Variants in TEX36 observed in about 807,000 individuals in gnomAD.
TEX36 encodes the protein testis-expressed protein 36.
A neutral mutation model predicts 13.6 loss-of-function variants in TEX36; 12 were observed. The ratio of observed to expected loss-of-function variants is 0.88; its 90% CI spans 0.56 to 1.43. The LOEUF (loss-of-function observed/expected upper bound fraction) is 1.43, where lower values mean the gene tolerates loss of function less well. Ranked by LOEUF, TEX36 falls within the 40% of genes most tolerant of loss-of-function variation. The pLI, the probability that TEX36 is intolerant of heterozygous loss-of-function variation, is 0.00. For missense variants in TEX36, 224 were observed against 228.3 expected (o/e 0.98, Z 0.12); for synonymous variants, 93 against 83.0 (o/e 1.12, Z -0.65).
chr10:125,643,974 C>A (rs1396811591), intron 3 of TEX36, among the ~76,000 whole-genome samples: 1 of 151,984 alleles, frequency 6.6e-6, no homozygotes, highest in Non-Finnish European at 1.5e-5. Flanking sequence ...GAGCATAAAA[C>A]CAAGTCACAA....
chr10:125,674,913 G>C (rs1847288925), intron 1 of TEX36, among the ~76,000 whole-genome samples: 1 of 152,268 alleles, frequency 6.6e-6, no homozygotes, highest in Non-Finnish European at 1.5e-5. Flanking sequence ...CCAGGGCCCT[G>C]CTTAACGAAG....
intron 1 of TEX36, among the ~76,000 whole-genome samples, chr10:125,664,518 G>A (rs1847094589): frequency 6.6e-6 from 1 of 152,170 alleles, no homozygotes. Context: ...GCGCCTGGTG[G>A]GAGGTGATTG....
chr10:125,653,626 T>TA (rs1452968702), downstream of TEX36, among the ~76,000 whole-genome samples: 5 of 151,914 alleles, frequency 3.3e-5, no homozygotes, highest in Non-Finnish European at 7.4e-5. Context: ...CCCTAGAACT[T>TA]AAAGTATAAT....
intron 3 of TEX36, among the ~76,000 whole-genome samples, chr10:125,627,469 T>C (rs297240): frequency 0.22 from 33,355 of 152,112 alleles, 5,773 homozygotes; most frequent in African/African-American, 0.48. Context: ...CTTAAAGTCA[T>C]TCAGAAAAAA....
intron 1 of TEX36, among the ~76,000 whole-genome samples, chr10:125,681,176 G>A (rs116004835): frequency 0.017 from 2,591 of 152,298 alleles, 80 homozygotes; most frequent in African/African-American, 0.059. Context: ...TGGATTCACT[G>A]TTTGGAGCTG....
At position 125,645,802 on chromosome 10, in the gene TEX36, C is replaced by T. The variant is rs143430631; in HGVS notation, c.264+15219G>A. Among the ~76,000 whole-genome samples, 10 of 151,746 alleles carry T rather than the reference C, an allele frequency of 6.6e-5. No individual in the cohort carries two copies. The East Asian group carries it at 1.9e-3, about 29-fold the overall frequency. On this transcript the variant is annotated intron_variant, in intron 3 of 3. Coordinates refer to the TEX36 transcript ENST00000526819. ...TTCTATGGCCCTATAATTATTCCCTCTAAAAAAAAATATGTAAAAGGGAGA... is the reference window on the plus strand; with the variant it reads ...TTCTATGGCCCTATAATTATTCCCTTTAAAAAAAAATATGTAAAAGGGAGA...
chr10:125,621,998 T>C (rs1052825415), intron 3 of TEX36, among the ~76,000 whole-genome samples: 2 of 152,032 alleles, frequency 1.3e-5, no homozygotes, highest in Non-Finnish European at 1.5e-5. Context: ...CAAATGCCAA[T>C]CTCCTCTGGC....
At chr10:125,581,664 CT>C (rs1412020719) in intron 3 of TEX36, among the ~76,000 whole-genome samples, 1 of 152,182 alleles carries the variant, frequency 6.6e-6, no homozygotes, top group African/African-American at 2.4e-5. Flanking sequence ...TTTTTCCCCC[CT>C]AAGGTTGAGT....
At chr10:125,624,692 A>G (rs79018581) in intron 3 of TEX36, among the ~76,000 whole-genome samples, 14 of 150,776 alleles carry the variant, frequency 9.3e-5, no homozygotes, top group Non-Finnish European at 1.6e-4. Flanking sequence ...AAAAAAAAAA[A>G]GGCCTGAAAG....
chr10:125,594,033 C>T (rs1254949973), intron 3 of TEX36, among the ~76,000 whole-genome samples: 1 of 152,200 alleles, frequency 6.6e-6, no homozygotes, highest in Non-Finnish European at 1.5e-5. Context: ...GGCGAGCACG[C>T]TGGCCTCTCT....
At chr10:125,630,868 G>A (rs1846544351) in intron 3 of TEX36, among the ~76,000 whole-genome samples, 1 of 152,132 alleles carries the variant, frequency 6.6e-6, no homozygotes, top group African/African-American at 2.4e-5. Context: ...CAGTCTTCCA[G>A]GATGTAGCTC....
intron 3 of TEX36, among the ~76,000 whole-genome samples, chr10:125,625,304 G>A (rs1019258338): frequency 3.9e-5 from 6 of 152,218 alleles, no homozygotes; most frequent in African/African-American, 1.4e-4. Flanking sequence ...GACAGGAACT[G>A]AAAATAGTTT....
intron 1 of TEX36, among the ~76,000 whole-genome samples, chr10:125,662,881 C>T (rs1332883398): frequency 1.3e-5 from 2 of 152,176 alleles, no homozygotes. Flanking sequence ...GTGGCTAGCT[C>T]TTATGGCAAG....
chr10:125,654,548 T>C (rs1846911282), downstream of TEX36, among the ~76,000 whole-genome samples: 2 of 152,136 alleles, frequency 1.3e-5, no homozygotes, highest in African/African-American at 2.4e-5. Context: ...TGTTTGTTTG[T>C]TTACTTTACA....
chr10:125,647,668 G>A (rs1001381996), intron 3 of TEX36, among the ~76,000 whole-genome samples: 1 of 152,152 alleles, frequency 6.6e-6, no homozygotes, highest in African/African-American at 2.4e-5. Flanking sequence ...ACTGGGGCTT[G>A]TCAGACAGTG....
Position 125,633,777 on chromosome 10 carries a change from G to C in TEX36, c.265-12132C>G, listed in dbSNP as rs548326615. Among the ~76,000 whole-genome samples the C allele has an allele frequency of 3.3e-5, 5 of 152,294 alleles. No individual in the cohort carries two copies. The South Asian group carries it at 1.0e-3, about 32-fold the overall frequency. On this transcript the variant is annotated intron_variant, in intron 3 of 3. Coordinates refer to the TEX36 transcript ENST00000526819. ...CTTTCTAAGCCCCATCGACATCAGG[G>C]AATCAGGAAATTAAACTTTTTATTT... is the stretch of plus-strand genomic sequence containing the variant.
chr10:125,669,298 TAAATA>T (rs1342397755), intron 1 of TEX36, among the ~76,000 whole-genome samples: 2 of 148,892 alleles, frequency 1.3e-5, no homozygotes, highest in African/African-American at 2.5e-5. Flanking sequence ...TCAAAAAAAA[TAAATA>T]AATAAAATAA....
chr10:125,638,840 C>T (rs1289112923), intron 3 of TEX36, among the ~76,000 whole-genome samples: 1 of 152,388 alleles, frequency 6.6e-6, no homozygotes, highest in South Asian at 2.1e-4. Flanking sequence ...CGTCACACAT[C>T]AGCATCACTG....
rs184941330 is a variant in TEX36, at chr10:125,641,262, A to G, written c.265-19617T>C. On this transcript the variant is annotated intron_variant, in intron 3 of 3. Coordinates refer to the TEX36 transcript ENST00000526819. The stretch of plus-strand genomic sequence containing the variant: ...GCAGCCACAAGATACTCTAACAAAA[A>G]GAAGGCACAAGGCAACTTTTAAGTC... Among the ~76,000 whole-genome samples the G allele has an allele frequency of 1.3e-3, 196 of 152,380 alleles. 2 individuals carry two copies. Among genetic ancestry groups the G allele is most frequent in the African/African-American group, 4.5e-3 (188 of 41,594 alleles).
Sources: gnomAD v4.1 joint callset for allele counts (sites outside exome capture counted in the v4.1 genomes callset) on GRCh38, gnomAD v4.1.1 for gene constraint, MANE v1.5 for transcripts, NCBI Gene and HGNC (gene_info 2026-07-23, HGNC 2026-07-21) for gene names.